Variants in PLEKHH3 observed in about 807,000 individuals in gnomAD.
PLEKHH3 encodes pleckstrin homology domain-containing family H member 3.
Under a neutral mutation model 77.8 loss-of-function variants are expected in PLEKHH3, and 57 were observed. That is an observed-to-expected ratio of 0.73 (90% CI 0.59 to 0.91). PLEKHH3 has a LOEUF of 0.91. PLEKHH3 is among the 40% of genes least tolerant of loss of function. The pLI is 0.00. For missense variants in PLEKHH3, 1,082 were observed against 1,091.2 expected, an observed-to-expected ratio of 0.99 and a Z score of 0.12; for synonymous variants, 467 against 504.8, an observed-to-expected ratio of 0.93 and a Z score of 1.00.
chr17:42,670,854 G>A lies in PLEKHH3; in HGVS notation c.1421+140C>T, dbSNP rs140605030. 1.1e-3 allele frequency: 1,709 copies of A among 1,518,246 alleles called. 5 individuals are homozygous for A. Among genetic ancestry groups the A allele is most frequent in the Middle Eastern group, 6.7e-3 (30 of 4,504 alleles). The allele number at this position is 1,518,246 out of a possible 1,614,324, so 94.0% of individuals were successfully genotyped here. A position where few individuals can be genotyped will look rare whatever the true frequency, so the allele number is the denominator to read the frequency against. ...TGCTGCAGTCGGACTGCAAACCTGC[G>A]GCGGGCAGGTCCGTCTGTAAACCAG... On this transcript the variant is annotated intron_variant, in intron 9 of 12. Transcript: ENST00000591022.
Position 42,673,775 on chromosome 17 carries a change from C to T in PLEKHH3, c.358G>A (p.Ala120Thr). The T allele has an allele frequency of 6.3e-7, 1 of 1,594,852 alleles. No individual in the cohort carries two copies. The highest frequency in any genetic ancestry group is 1.3e-5 in the African/African-American group (1 of 74,762). ...GAGTCCCGCGTGAGCACAAACCAGGCTCGGCGCGGGGGCAGCCAGGGCCGC... is the reference window on the plus strand; with the variant it reads ...GAGTCCCGCGTGAGCACAAACCAGGTTCGGCGCGGGGGCAGCCAGGGCCGC... ...GARPWLPPRRAWFVLTRDSLD... is the reference protein window; with the variant it reads ...GARPWLPPRRTWFVLTRDSLD... Residue 120 changes from alanine to threonine, a missense_variant, in exon 4 of 13, where the codon GCC (alanine) becomes ACC (threonine). Physicochemically the swap from Ala to Thr is moderately conservative, Grantham distance 58. This residue lies in a region of PLEKHH3 where 344 missense variants were observed against 320.8 expected (regional missense o/e 1.07). Transcript: ENST00000591022.
rs373491244 is a variant in PLEKHH3, at chr17:42,671,197, A to C, written c.1285-67T>G. 6.8e-4 allele frequency: 1,044 copies of C among 1,528,636 alleles called. 2 individuals carry two copies. Among genetic ancestry groups the C allele is most frequent in the South Asian group, 1.2e-3 (96 of 79,336 alleles). The allele number at this position is 1,528,636 out of a possible 1,614,324, so 94.7% of individuals were successfully genotyped here. A position where few individuals can be genotyped will look rare whatever the true frequency, so the allele number is the denominator to read the frequency against. On this transcript the variant is annotated intron_variant, in intron 8 of 12. Transcript: ENST00000591022. The surrounding 1 kb of genome is among the most constrained non-coding windows in gnomAD (Gnocchi z 4.7). ...CAGGATTCTGGGAGGGGTTGATTCA[A>C]TTGGAAGGGGTCTCTTAGTCCTGTC...
chr17:42,670,211 G>A lies in PLEKHH3; in HGVS notation c.1720C>T (p.Pro574Ser), dbSNP rs1251118804. The A allele has an allele frequency of 1.2e-5, 15 of 1,213,964 alleles. No homozygotes were observed. The highest frequency in any genetic ancestry group is 6.4e-4 in the Middle Eastern group (2 of 3,110). 75.2% of individuals were successfully genotyped at this position (1,213,964 alleles called of 1,614,324 possible). ...PPPAPPREDP[P>S]RPTPRPPPSA... ...GGGGGCGGCCTGGGGGTCGGGCGGGGCGGGTCTTCGCGCGGCGGGGCCGGG... is the reference window on the plus strand; with the variant it reads ...GGGGGCGGCCTGGGGGTCGGGCGGGACGGGTCTTCGCGCGGCGGGGCCGGG... Residue 574 changes from proline to serine, a missense_variant, in exon 11 of 13, where the codon CCC (proline) becomes TCC (serine). Physicochemically the swap from Pro to Ser is moderately conservative, Grantham distance 74. This residue lies in a region of PLEKHH3 where 733 missense variants were observed against 750.0 expected (regional missense o/e 0.98). Coordinates refer to ENST00000591022, the MANE Select transcript of PLEKHH3 (RefSeq NM_024927.5).
rs2052775483 is a variant in PLEKHH3 at position 42,674,373 on chromosome 17, T to C, written c.199A>G (p.Ser67Gly). 6.3e-7 allele frequency: 1 copy of C among 1,594,360 alleles called. No homozygotes were observed. The highest frequency in any genetic ancestry group is 1.8e-5 in the Admixed American group (1 of 55,982). ...LEVTLTQPVR[S>G]GPVSNRLQSW... The stretch of plus-strand genomic sequence containing the variant: ...GCTCACCTGTTGGAGACAGGCCCGC[T>C]CCTCACTGGCTGAGTCAGCGTCACT... The change falls in exon 2 of 13, where the codon AGC becomes GGC. Residue 67 changes from serine (S) to glycine (G), a missense_variant. By Grantham distance (56) the Ser-to-Gly change is moderately conservative (BLOSUM62 0). This residue lies in a region of PLEKHH3 where 344 missense variants were observed against 320.8 expected (regional missense o/e 1.07). Coordinates refer to ENST00000591022, the MANE Select transcript of PLEKHH3 (RefSeq NM_024927.5).
At position 42,671,416 on chromosome 17, in the gene PLEKHH3, T is replaced by C. The variant is rs1306657641; in HGVS notation, c.1219A>G (p.Thr407Ala). 6.2e-7 allele frequency: 1 copy of C among 1,612,916 alleles called. No homozygotes were observed. The highest frequency in any genetic ancestry group is 8.5e-7 in the Non-Finnish European group (1 of 1,180,002). Residue 407 changes from threonine to alanine, a missense_variant, in exon 8 of 13, where the codon ACC (threonine) becomes GCC (alanine). This residue lies in a region of PLEKHH3 where 733 missense variants were observed against 750.0 expected (regional missense o/e 0.98). Coordinates refer to ENST00000591022, the MANE Select transcript of PLEKHH3 (RefSeq NM_024927.5). The surrounding 1 kb of genome is among the most constrained non-coding windows in gnomAD (Gnocchi z 4.7). ...ALSQRQELLC[T>A]VHCPGAGACA... Reference sequence around the variant, plus strand: ...GCACCAGCCCCCGGACAGTGCACGGTACACAGCAGCTCCTGCCGTTGGCTC... The same window carrying C: ...GCACCAGCCCCCGGACAGTGCACGGCACACAGCAGCTCCTGCCGTTGGCTC...
In PLEKHH3 at chr17:42,676,635, G is replaced by A. The variant is rs566631863; in HGVS notation, c.-72C>T. The A allele has an allele frequency of 1.1e-4, 157 of 1,421,114 alleles. No individual in the cohort carries two copies. In the African/African-American group the frequency reaches 2.0e-3, roughly 18 times the overall value. The allele number at this position is 1,421,114 out of a possible 1,614,324, so 88.0% of individuals were successfully genotyped here. ...AGTAGGGGGTCGGAGGAACTGGCGG[G>A]GCTCCGACCCGAGCAGGGGAAAGAT... On this transcript the variant is annotated 5_prime_UTR_variant, in exon 1 of 13. Coordinates refer to ENST00000591022, the MANE Select transcript of PLEKHH3 (RefSeq NM_024927.5). The surrounding 1 kb of genome is among the most constrained non-coding windows in gnomAD (Gnocchi z 6.6).
Position 42,670,025 on chromosome 17 carries a change from G to A in PLEKHH3, c.1906C>T (p.Arg636Trp), listed in dbSNP as rs1376396240. ...TAAAVLGGWK[R>W]LRGMGRAEAM... ...TCAGCTCGGCCCATGCCCCGTAGCCGCTTCCAGCCGCCCAGCACGGCAGCT... is the reference window on the plus strand; with the variant it reads ...TCAGCTCGGCCCATGCCCCGTAGCCACTTCCAGCCGCCCAGCACGGCAGCT... The change falls in exon 11 of 13, where the codon CGG (arginine) becomes TGG (tryptophan). Residue 636 changes from arginine to tryptophan, a missense_variant. Arg to Trp is a moderately radical substitution (Grantham distance 101). Transcript: ENST00000591022. The A allele has an allele frequency of 6.4e-7, 1 of 1,574,492 alleles. No individual in the cohort carries two copies.
intron 1 of PLEKHH3, chr17:42,674,930 C>G (rs980846440): frequency 6.5e-6 from 1 of 154,308 alleles, no homozygotes; most frequent in Non-Finnish European, 1.4e-5. Context: ...GCAGAGGGAC[C>G]CTTTCAGTAT....
intron 9 of PLEKHH3, 140 bp from the exon 10 acceptor site, chr17:42,670,845 C>G: frequency 6.6e-7 from 1 of 1,523,086 alleles, no homozygotes; most frequent in Non-Finnish European, 8.9e-7. Flanking sequence ...AGTCGGACTG[C>G]AAACCTGCGG....
Position 42,676,812 on chromosome 17 carries a change from A to T in PLEKHH3, c.-249T>A. On this transcript the variant is annotated 5_prime_UTR_variant, in exon 1 of 13. Transcript: ENST00000591022. The surrounding 1 kb of genome is among the most constrained non-coding windows in gnomAD (Gnocchi z 6.6). Reference sequence around the variant, plus strand: ...AAAGCGTCCAGGGCCCCGGGAGAGGAGGGAGCAATGTCCGGAGCTGGGAAG... The same window carrying T: ...AAAGCGTCCAGGGCCCCGGGAGAGGTGGGAGCAATGTCCGGAGCTGGGAAG... 1.8e-6 allele frequency: 1 copy of T among 570,340 alleles called. No homozygotes were observed. The highest frequency in any genetic ancestry group is 3.1e-6 in the Non-Finnish European group (1 of 319,892). 35.3% of individuals were successfully genotyped at this position (570,340 alleles called of 1,614,324 possible).
intron 1 of PLEKHH3, chr17:42,675,894 C>G (rs1214319113): frequency 2.0e-6 from 2 of 1,006,814 alleles, no homozygotes; most frequent in Non-Finnish European, 2.4e-6. Context: ...CCTCAAAGAG[C>G]TCCCACCTCC....
rs1335085896 is a variant in PLEKHH3, at chr17:42,671,287, G to A, written c.1284+64C>T. The A allele has an allele frequency of 1.1e-5, 17 of 1,578,798 alleles. No individual in the cohort carries two copies. Among genetic ancestry groups the A allele is most frequent in the African/African-American group, 2.7e-5 (2 of 74,216 alleles). On this transcript the variant is annotated intron_variant, in intron 8 of 12. Coordinates refer to ENST00000591022, the MANE Select transcript of PLEKHH3 (RefSeq NM_024927.5). The surrounding 1 kb of genome is among the most constrained non-coding windows in gnomAD (Gnocchi z 4.7). The stretch of plus-strand genomic sequence containing the variant: ...GGCAAACCTAGGGTCCAGGAAGAGG[G>A]AGAGACAGGCGTGAGAAGCTGGCAG...
intron 1 of PLEKHH3, 124 bp from the exon 2 acceptor site, chr17:42,674,533 G>T: frequency 1.2e-6 from 1 of 837,786 alleles, no homozygotes; most frequent in South Asian, 2.6e-5. Flanking sequence ...GTGGGGTCGT[G>T]ACTAGGGTGG....
At chr17:42,672,646 G>A (rs1238779894) in intron 6 of PLEKHH3, among the ~76,000 whole-genome samples, 1 of 152,170 alleles carries the variant, frequency 6.6e-6, no homozygotes, top group East Asian at 1.9e-4. Context: ...ACGGACGGCC[G>A]GGAAGGGCTG....
At position 42,668,216 on chromosome 17, in the gene PLEKHH3, C is replaced by G; in HGVS notation, c.2293G>C (p.Asp765His). 6.4e-7 allele frequency: 1 copy of G among 1,561,608 alleles called. No homozygotes were observed. The highest frequency in any genetic ancestry group is 1.2e-5 in the South Asian group (1 of 84,194). Reference protein sequence around the residue: ...PCSSSSPPCQDLPDTSPPSQR... With the variant: ...PCSSSSPPCQHLPDTSPPSQR... ...CTGGGAGGGGAGGTGTCTGGCAGGT[C>G]TTGGCATGGAGGAGAAGAGCTGCTG... Residue 765 changes from aspartate (D) to histidine (H), a missense_variant, in exon 13 of 13, where the codon GAC (aspartate) becomes CAC (histidine). Transcript: ENST00000591022.
At position 42,670,677 on chromosome 17, in the gene PLEKHH3, C is replaced by G. The variant is rs759234028; in HGVS notation, c.1450G>C (p.Asp484His). Residue 484 changes from aspartate to histidine, a missense_variant, in exon 10 of 13, where the codon GAC becomes CAC. Around this residue, in one of 3 missense-constraint regions of PLEKHH3, gnomAD observed 733 missense variants for 750.0 expected, o/e 0.98. Coordinates refer to ENST00000591022, the MANE Select transcript of PLEKHH3 (RefSeq NM_024927.5). ...AGTCTCCACCCGGAGTCGGGCGAGT[C>G]CTCCAACCCAGCTTCCTCCGCGGCC... ...NLAAEEAGLEDSPDSGWRLCL... is the reference protein window; with the variant it reads ...NLAAEEAGLEHSPDSGWRLCL... 1 of 1,612,940 alleles carries G rather than the reference C, an allele frequency of 6.2e-7. No individual in the cohort carries two copies.
Position 42,671,209 on chromosome 17 carries a change from C to T in PLEKHH3, c.1285-79G>A, listed in dbSNP as rs2052693499. Reference sequence around the variant, plus strand: ...AGGGGTTGATTCAATTGGAAGGGGTCTCTTAGTCCTGTCACCACCACTCCC... The same window carrying T: ...AGGGGTTGATTCAATTGGAAGGGGTTTCTTAGTCCTGTCACCACCACTCCC... On this transcript the variant is annotated intron_variant, in intron 8 of 12. Coordinates refer to ENST00000591022, the MANE Select transcript of PLEKHH3 (RefSeq NM_024927.5). This position sits in a 1 kb window ranked among gnomAD's most constrained non-coding sequence, Gnocchi z 4.7. The T allele has an allele frequency of 2.0e-6, 3 of 1,524,936 alleles. No individual in the cohort carries two copies. Among genetic ancestry groups the T allele is most frequent in the East Asian group, 4.5e-5 (2 of 44,020 alleles). 94.5% of individuals were successfully genotyped at this position (1,524,936 alleles called of 1,614,324 possible). A position where few individuals can be genotyped will look rare whatever the true frequency, so the allele number is the denominator to read the frequency against.
In PLEKHH3 at chr17:42,670,129, G is replaced by A. The variant is rs979290232; in HGVS notation, c.1802C>T (p.Ala601Val). 1.6e-6 allele frequency: 2 copies of A among 1,236,246 alleles called. No individual in the cohort carries two copies. Among genetic ancestry groups the A allele is most frequent in the African/African-American group, 1.7e-5 (1 of 60,388 alleles). 76.6% of individuals were successfully genotyped at this position (1,236,246 alleles called of 1,614,324 possible). Reference protein sequence around the residue: ...LWSPGLAKRRAERARRGGAGR... With the variant: ...LWSPGLAKRRVERARRGGAGR... ...GGCCCCGCCGCGCCGGGCCCGCTCC[G>A]CCCGCCTCTTGGCCAGGCCCGGGCT... is the stretch of plus-strand genomic sequence containing the variant. Residue 601 changes from alanine (A) to valine (V), a missense_variant, in exon 11 of 13, where the codon GCG becomes GTG. Physicochemically the swap from Ala to Val is moderately conservative, Grantham distance 64 (BLOSUM62 0). Around this residue, in one of 3 missense-constraint regions of PLEKHH3, gnomAD observed 733 missense variants for 750.0 expected, o/e 0.98. Transcript: ENST00000591022.
intron 6 of PLEKHH3, 70 bp from the exon 7 acceptor site, chr17:42,672,462 T>C (rs1475867834): frequency 6.6e-6 from 9 of 1,357,422 alleles, no homozygotes; most frequent in Non-Finnish European, 8.8e-6. Flanking sequence ...GAGGAAGGCA[T>C]GAACCAGGGG....
Sources: gnomAD v4.1 joint callset for allele counts (sites outside exome capture counted in the v4.1 genomes callset) on GRCh38, gnomAD v4.1.1 for gene constraint, gnomAD v4.1.1 regional missense constraint, Gnocchi (gnomAD v3.1) non-coding constraint, MANE v1.5 for transcripts, NCBI Gene and HGNC (gene_info 2026-07-23, HGNC 2026-07-21) for gene names.